The following RBFOX1 variants were observed in gnomAD, a reference collection of about 807,000 sequenced individuals.
RBFOX1 encodes the protein RNA binding fox-1 homolog 1, also known as RNA binding protein fox-1 homolog 1.
A neutral mutation model predicts 57.7 loss-of-function variants in RBFOX1; 8 were observed. That is an observed-to-expected ratio of 0.14 (90% CI 0.08 to 0.25). The LOEUF (loss-of-function observed/expected upper bound fraction) is 0.25, where lower values mean the gene tolerates loss of function less well. RBFOX1 is among the 10% of genes least tolerant of loss of function. RBFOX1 has a pLI of 1.00. For synonymous variants in RBFOX1, 326 were observed against 222.4 expected, an observed-to-expected ratio of 1.47 and a Z score of -4.15; for missense variants, 611 against 548.5, an observed-to-expected ratio of 1.11 and a Z score of -1.14.
chr16:6,060,467 A>C (rs1164434132), intron 1 of RBFOX1, among the ~76,000 whole-genome samples: 1 of 152,118 alleles, frequency 6.6e-6, no homozygotes, highest in African/African-American at 2.4e-5. Context: ...TTCCTACAAT[A>C]ACCTTATGAG....
rs1419714249 is a variant in RBFOX1 at position 7,145,454 on chromosome 16, C to G, written c.27+93356C>G. Among the ~76,000 whole-genome samples the G allele has an allele frequency of 2.0e-5, 3 of 152,132 alleles. No individual in the cohort carries two copies. In the South Asian group the frequency reaches 6.2e-4, roughly 31 times the overall value. ...ACTCCTGACTTGAAGTGATCCACCTCCCTCGGCCTCCCAAAGTGCTGAGAT... is the reference window on the plus strand; with the variant it reads ...ACTCCTGACTTGAAGTGATCCACCTGCCTCGGCCTCCCAAAGTGCTGAGAT... On this transcript the variant is annotated intron_variant, in intron 4 of 15. Transcript: ENST00000550418.
chr16:6,913,571 G>T (rs931953067), intron 3 of RBFOX1, among the ~76,000 whole-genome samples: 4 of 152,150 alleles, frequency 2.6e-5, no homozygotes, highest in Admixed American at 2.0e-4. Context: ...TTTTGAAGGA[G>T]AAGTTATAAG....
chr16:6,431,701 A>T lies in RBFOX1; in HGVS notation c.-64+114644A>T. Among the ~76,000 whole-genome samples, 2 of 152,084 alleles carry T rather than the reference A, an allele frequency of 1.3e-5. 1 individual carries two copies. Among genetic ancestry groups the T allele is most frequent in the Admixed American group, 1.3e-4 (2 of 15,264 alleles). ...TGAATATGATGGGAAGCCAGCCATCACAGGATTTTGAACTTCCAATGGGGT... is the reference window on the plus strand; with the variant it reads ...TGAATATGATGGGAAGCCAGCCATCTCAGGATTTTGAACTTCCAATGGGGT... On this transcript the variant is annotated intron_variant, in intron 2 of 15. Transcript: ENST00000550418.
chr16:7,183,249 C>G (rs566413845), intron 4 of RBFOX1, among the ~76,000 whole-genome samples: 1 of 152,100 alleles, frequency 6.6e-6, no homozygotes, highest in Non-Finnish European at 1.5e-5. Context: ...GAAAAAGAAG[C>G]CATGGTGAAT....
intron 4 of RBFOX1, among the ~76,000 whole-genome samples, chr16:7,323,497 A>G (rs535439586): frequency 1.7e-4 from 26 of 150,904 alleles, no homozygotes; most frequent in Non-Finnish European, 3.7e-4. Flanking sequence ...TATCGCATTC[A>G]AAAAAAAGAA....
intron 3 of RBFOX1, among the ~76,000 whole-genome samples, chr16:6,840,684 C>T (rs868343051): frequency 1.4e-4 from 22 of 151,856 alleles, no homozygotes; most frequent in Middle Eastern, 3.4e-3. Flanking sequence ...GTCAACAGAT[C>T]GAGACCATCC....
intron 4 of RBFOX1, among the ~76,000 whole-genome samples, chr16:7,066,445 C>G (rs1288601211): frequency 6.6e-6 from 1 of 152,084 alleles, no homozygotes; most frequent in Non-Finnish European, 1.5e-5. Flanking sequence ...GCATTGAGGC[C>G]CAACCTTTGT....
chr16:7,590,469 T>A (rs996440834), intron 7 of RBFOX1, among the ~76,000 whole-genome samples: 1 of 152,146 alleles, frequency 6.6e-6, no homozygotes, highest in Non-Finnish European at 1.5e-5. Context: ...CTGTAATTTA[T>A]TTTTCCTTTT....
chr16:5,507,663 C>G (rs1394817244), intron 2 of RBFOX1, among the ~76,000 whole-genome samples: 2 of 152,158 alleles, frequency 1.3e-5, no homozygotes, highest in Non-Finnish European at 2.9e-5. Context: ...TGAGGTCATA[C>G]TGGAGTGGGG....
Position 6,648,184 on chromosome 16 carries a change from C to G in RBFOX1, c.-63-6419C>G, listed in dbSNP as rs1157284032. Among the ~76,000 whole-genome samples, 4 of 151,862 alleles carry G rather than the reference C, an allele frequency of 2.6e-5. 1 individual carries two copies. The highest frequency in any genetic ancestry group is 7.3e-5 in the African/African-American group (3 of 41,354). ...TTTCAGCTTCCCAAGAAGCTGGGAC[C>G]ACAGGTGCATACCACCCCACCTAGC... On this transcript the variant is annotated intron_variant, in intron 2 of 15. Coordinates refer to ENST00000550418, the MANE Select transcript of RBFOX1 (RefSeq NM_018723.4).
intron 3 of RBFOX1, among the ~76,000 whole-genome samples, chr16:6,688,287 CTCAGTA>C (rs764575470): frequency 5.9e-5 from 9 of 152,012 alleles, no homozygotes; most frequent in Non-Finnish European, 1.3e-4. Flanking sequence ...CTCATGAGAA[CTCAGTA>C]TCATGAGACA....
At chr16:5,479,420 G>C (rs2069444562) in intron 2 of RBFOX1, among the ~76,000 whole-genome samples, 1 of 152,158 alleles carries the variant, frequency 6.6e-6, no homozygotes, top group South Asian at 2.1e-4. Flanking sequence ...CCTTTGCAAA[G>C]CCACGCCAAG....
chr16:6,049,328 A>G (rs2095528338), intron 1 of RBFOX1, among the ~76,000 whole-genome samples: 1 of 151,798 alleles, frequency 6.6e-6, no homozygotes, highest in Non-Finnish European at 1.5e-5. Context: ...TCTCCTTTAA[A>G]AAAAAAATTC....
chr16:7,402,280 C>G (rs1235165906), intron 4 of RBFOX1, among the ~76,000 whole-genome samples: 3 of 152,202 alleles, frequency 2.0e-5, no homozygotes, highest in Non-Finnish European at 2.9e-5. Flanking sequence ...ACGTTGTTAA[C>G]TGCCCTGAAA....
chr16:7,605,962 A>C (rs2095268488), intron 9 of RBFOX1, among the ~76,000 whole-genome samples: 1 of 151,044 alleles, frequency 6.6e-6, no homozygotes, highest in South Asian at 2.1e-4. Context: ...CCTCAGCCTG[A>C]TTAGTTGTTA....
chr16:7,182,932 T>C (rs1047443160), intron 4 of RBFOX1, among the ~76,000 whole-genome samples: 9 of 152,210 alleles, frequency 5.9e-5, no homozygotes, highest in Admixed American at 5.9e-4. Context: ...TTATCTTATT[T>C]TCTTTGTTGC....
chr16:7,255,293 A>T (rs368796570), intron 4 of RBFOX1, among the ~76,000 whole-genome samples: 1 of 152,224 alleles, frequency 6.6e-6, no homozygotes, highest in African/African-American at 2.4e-5. Context: ...TTTCCATTCT[A>T]TCACACTGCT....
chr16:5,957,185 A>G (rs2059660214), intron 4 of RBFOX1, among the ~76,000 whole-genome samples: 1 of 152,092 alleles, frequency 6.6e-6, no homozygotes. Context: ...TGCTACGATC[A>G]CACTATGAGA....
chr16:6,352,025 GC>G (rs1305386767), intron 2 of RBFOX1, among the ~76,000 whole-genome samples: 1 of 152,094 alleles, frequency 6.6e-6, no homozygotes. Flanking sequence ...CTTTTTCAGT[GC>G]TTTTTTCTGT....
Sources: gnomAD v4.1 joint callset for allele counts (sites outside exome capture counted in the v4.1 genomes callset) on GRCh38, gnomAD v4.1.1 for gene constraint, MANE v1.5 for transcripts, NCBI Gene and HGNC (gene_info 2026-07-23, HGNC 2026-07-21) for gene names.